CAPSL: variants seen among roughly 807,000 people sequenced by gnomAD.
The protein encoded by CAPSL is calcyphosine like.
CAPSL carries 17 observed loss-of-function variants against 21.3 expected under a neutral mutation model. That is an observed-to-expected ratio of 0.80 (90% CI 0.55 to 1.20). The LOEUF (loss-of-function observed/expected upper bound fraction) is 1.20. CAPSL is among the 50% of genes most tolerant of loss of function. The pLI is 0.00. For missense variants in CAPSL, 289 were observed against 259.3 expected (o/e 1.11, Z -0.79); for synonymous variants, 102 against 89.3 (o/e 1.14, Z -0.80).
intron 2 of CAPSL, among the ~76,000 whole-genome samples, chr5:35,911,414 A>C (rs1053368367): frequency 2.0e-5 from 3 of 152,250 alleles, no homozygotes; most frequent in Admixed American, 2.0e-4. Flanking sequence ...TAATGTGATA[A>C]AAATGGTGCT....
At chr5:35,931,806 T>C (rs1738833571) in intron 1 of CAPSL, among the ~76,000 whole-genome samples, 1 of 152,236 alleles carries the variant, frequency 6.6e-6, no homozygotes, top group Non-Finnish European at 1.5e-5. Flanking sequence ...TTTCAGTGTT[T>C]ATGTGCTTAA....
chr5:35,909,792 A>G (rs1738163137), intron 4 of CAPSL, 74 bp downstream of exon 4: 2 of 1,192,590 alleles, frequency 1.7e-6, no homozygotes, highest in Admixed American at 2.2e-5. Flanking sequence ...TAACATTTTT[A>G]AGAGTTTGGA....
chr5:35,919,251 G>A (rs1423202300), intron 2 of CAPSL, among the ~76,000 whole-genome samples: 1 of 150,766 alleles, frequency 6.6e-6, no homozygotes, highest in Non-Finnish European at 1.5e-5. Context: ...CGTGGCAAGG[G>A]GCCAAGGTAC....
At chr5:35,926,605 A>G (rs1332072393) in intron 1 of CAPSL, among the ~76,000 whole-genome samples, 2 of 152,214 alleles carry the variant, frequency 1.3e-5, no homozygotes, top group South Asian at 2.1e-4. Context: ...GAACTGCTCT[A>G]GCCCTAGCCT....
chr5:35,908,378 C>T (rs1312740808), intron 4 of CAPSL, among the ~76,000 whole-genome samples: 1 of 152,176 alleles, frequency 6.6e-6, no homozygotes. Flanking sequence ...TGCTAAAAAC[C>T]TCAATAACCT....
At chr5:35,935,929 G>A (rs148393257) in intron 1 of CAPSL, among the ~76,000 whole-genome samples, 4 of 152,180 alleles carry the variant, frequency 2.6e-5, no homozygotes, top group East Asian at 1.9e-4. Flanking sequence ...TGTACTTAAC[G>A]GCAGACTGAA....
chr5:35,909,080 C>T (rs1240612656), intron 4 of CAPSL, among the ~76,000 whole-genome samples: 1 of 102,262 alleles, frequency 9.8e-6, no homozygotes, highest in African/African-American at 3.7e-5. Flanking sequence ...ACAGAACTGG[C>T]TCAGGGTTTT....
chr5:35,907,402 A>G (rs1166856890), intron 4 of CAPSL, among the ~76,000 whole-genome samples: 5 of 152,258 alleles, frequency 3.3e-5, no homozygotes, highest in Admixed American at 2.6e-4. Flanking sequence ...TTTTAAAAAT[A>G]TAGTGATGAT....
chr5:35,923,061 C>T (rs552672251), intron 1 of CAPSL, among the ~76,000 whole-genome samples: 21 of 152,172 alleles, frequency 1.4e-4, no homozygotes, highest in African/African-American at 4.1e-4. Flanking sequence ...TGATCCTTCC[C>T]AGGACCACCA....
chr5:35,914,869 C>T (rs1467722331), intron 2 of CAPSL, among the ~76,000 whole-genome samples: 4 of 152,174 alleles, frequency 2.6e-5, no homozygotes, highest in Middle Eastern at 3.4e-3. Context: ...CAGAGCAGAA[C>T]TCAAGGAAAT....
intron 1 of CAPSL, among the ~76,000 whole-genome samples, chr5:35,933,700 G>C (rs916520406): frequency 6.6e-6 from 1 of 152,146 alleles, no homozygotes; most frequent in Non-Finnish European, 1.5e-5. Context: ...CTGCAGAGGG[G>C]ACACACACTA....
At chr5:35,926,613 C>T (rs952094920) in intron 1 of CAPSL, among the ~76,000 whole-genome samples, 7 of 152,204 alleles carry the variant, frequency 4.6e-5, no homozygotes, top group Admixed American at 1.3e-4. Context: ...CTAGCCCTAG[C>T]CTGCATCTAT....
At chr5:35,926,122 T>C (rs1333763313) in intron 1 of CAPSL, among the ~76,000 whole-genome samples, 1 of 150,990 alleles carries the variant, frequency 6.6e-6, no homozygotes, top group Non-Finnish European at 1.5e-5. Context: ...CCGTTTGCAT[T>C]GTAAAGTGAG....
At chr5:35,915,081 C>G (rs543982134) in intron 2 of CAPSL, among the ~76,000 whole-genome samples, 1 of 152,332 alleles carries the variant, frequency 6.6e-6, no homozygotes, top group Non-Finnish European at 1.5e-5. Flanking sequence ...ACTATAAACA[C>G]TTCTATGCAA....
chr5:35,918,890 C>T (rs988772603), intron 2 of CAPSL, among the ~76,000 whole-genome samples: 4 of 151,894 alleles, frequency 2.6e-5, no homozygotes, highest in Admixed American at 6.6e-5. Context: ...TGAGTGTCTA[C>T]ACTTGAGCAA....
intron 4 of CAPSL, among the ~76,000 whole-genome samples, chr5:35,907,675 C>T (rs996799649): frequency 1.3e-5 from 2 of 152,094 alleles, no homozygotes; most frequent in African/African-American, 4.8e-5. Context: ...GAGAGTTTAA[C>T]CTAGATTATC....
chr5:35,936,706 T>C (rs1738955702), intron 1 of CAPSL, among the ~76,000 whole-genome samples: 1 of 152,212 alleles, frequency 6.6e-6, no homozygotes. Context: ...GTTTCTTCCT[T>C]GTCTTCACCT....
chr5:35,904,742 G>A, intron 4 of CAPSL, 96 bp from the exon 5 acceptor site: 1 of 1,511,958 alleles, frequency 6.6e-7, no homozygotes, highest in Non-Finnish European at 8.8e-7. Flanking sequence ...GGGAAATAGA[G>A]GATTTCTTTG....
chr5:35,934,718 A>G (rs1427477030), intron 1 of CAPSL, among the ~76,000 whole-genome samples: 1 of 152,196 alleles, frequency 6.6e-6, no homozygotes, highest in Non-Finnish European at 1.5e-5. Flanking sequence ...CTTTAAGGCT[A>G]TGGGTAACAC....
Sources: allele counts gnomAD v4.1 joint callset (sites outside exome capture counted in the v4.1 genomes callset), GRCh38; gene constraint gnomAD v4.1.1; transcripts MANE v1.5; gene names NCBI Gene and HGNC (gene_info 2026-07-23, HGNC 2026-07-21).